ANTXR2: variants seen among roughly 807,000 people sequenced by gnomAD.
The protein encoded by ANTXR2 is anthrax toxin receptor 2.
Under a neutral mutation model 73.7 loss-of-function variants are expected in ANTXR2, and 44 were observed. The ratio of observed to expected loss-of-function variants is 0.60; its 90% confidence interval spans 0.47 to 0.77. ANTXR2 has a LOEUF of 0.77. Among genes scored for constraint, ANTXR2 ranks in the 30% least tolerant of loss-of-function variants. The pLI is 0.00. For synonymous variants in ANTXR2, 217 were observed against 205.9 expected (o/e 1.05, Z -0.46); for missense variants, 604 against 592.5 (o/e 1.02, Z -0.20).
chr4:79,975,873 C>G (rs1729602805), intron 16 of ANTXR2, among the ~76,000 whole-genome samples: 1 of 150,414 alleles, frequency 6.6e-6, no homozygotes, highest in South Asian at 2.1e-4. Flanking sequence ...AAATGATGAT[C>G]TGTTGGGGAA....
At chr4:79,981,841 T>C (rs936912505) in intron 14 of ANTXR2, among the ~76,000 whole-genome samples, 1 of 152,178 alleles carries the variant, frequency 6.6e-6, no homozygotes, top group East Asian at 1.9e-4. Context: ...CCCAGATTTA[T>C]TACAAGTTGG....
intron 12 of ANTXR2, among the ~76,000 whole-genome samples, chr4:79,997,452 C>T (rs913578972): frequency 5.3e-5 from 8 of 151,856 alleles, no homozygotes; most frequent in Non-Finnish European, 1.2e-4. Flanking sequence ...TCCTTTCATT[C>T]TCCCTTTTCT....
intron 16 of ANTXR2, chr4:79,964,966 G>A (rs535891094): frequency 6.6e-6 from 1 of 152,388 alleles, no homozygotes; most frequent in South Asian, 2.1e-4. Context: ...GAGCGCGAGA[G>A]AGGGCCCGAG....
In ANTXR2 at chr4:79,902,666, A is replaced by C. The variant is rs1392855089; in HGVS notation, c.*4763T>G. 6.6e-6 allele frequency: 1 copy of C among 152,138 alleles called. No individual in the cohort carries two copies. Among genetic ancestry groups the C allele is most frequent in the Non-Finnish European group, 1.5e-5 (1 of 68,006 alleles). The allele number at this position is 152,138 out of a possible 1,614,324, so 9.4% of individuals were successfully genotyped here. A position where few individuals can be genotyped will look rare whatever the true frequency, so the allele number is the denominator to read the frequency against. On this transcript the variant is annotated 3_prime_UTR_variant, in exon 17 of 17. Coordinates refer to ENST00000403729, the MANE Select transcript of ANTXR2 (RefSeq NM_058172.6). ...AGTTTCCTCTTTGACAAATTTAATT[A>C]TAAGAAATTAACTAAGAAATTATTA...
chr4:80,055,449 T>C lies in ANTXR2; in HGVS notation c.397A>G (p.Lys133Glu). The C allele has an allele frequency of 3.1e-6, 5 of 1,610,264 alleles. No homozygotes were observed. Among genetic ancestry groups the C allele is most frequent in the Non-Finnish European group, 4.2e-6 (5 of 1,177,848 alleles). The change falls in exon 5 of 17, where the codon AAA (lysine) becomes GAA (glutamate). Residue 133 changes from lysine (K) to glutamate (E), a missense_variant. Physicochemically the swap from Lys to Glu is moderately conservative, Grantham distance 56 (BLOSUM62 1). Transcript: ENST00000403729. Reference protein sequence around the residue: ...GLKLANEQIQKAGGLKTSSII... With the variant: ...GLKLANEQIQEAGGLKTSSII... ...CTGGAGGTTTTCAAGCCTCCTGCTT[T>C]CTGAATTTGTTCATTCGCCTGAAAA...
At chr4:80,034,187 T>G (rs996848112) in intron 8 of ANTXR2, among the ~76,000 whole-genome samples, 2 of 152,078 alleles carry the variant, frequency 1.3e-5, no homozygotes, top group Non-Finnish European at 2.9e-5. Context: ...ATTTAACTTA[T>G]TGTACCATTA....
rs188488223 is a variant in ANTXR2 at position 79,976,937 on chromosome 4, G to T, written c.1428+684C>A. On this transcript the variant is annotated intron_variant, in intron 16 of 16. Transcript: ENST00000403729. ...CCTATCCATTGTTACATATGAAAAG[G>T]TTTTAATCAATTTTTCTTACATCAA... Among the ~76,000 whole-genome samples the T allele has an allele frequency of 2.1e-4, 32 of 152,274 alleles. No homozygotes were observed. The East Asian group carries it at 5.8e-3, about 28-fold the overall frequency.
chr4:79,996,754 TATATC>T (rs1161637553), intron 12 of ANTXR2, among the ~76,000 whole-genome samples: 2 of 152,014 alleles, frequency 1.3e-5, no homozygotes, highest in East Asian at 3.9e-4. Flanking sequence ...ATTCCATTCT[TATATC>T]AAATAGTGCA....
chr4:80,039,645 T>G (rs1051726823), intron 7 of ANTXR2, among the ~76,000 whole-genome samples: 1 of 151,954 alleles, frequency 6.6e-6, no homozygotes, highest in Admixed American at 6.6e-5. Flanking sequence ...CAAATGCTGG[T>G]GAGGTTGTGG....
intron 3 of ANTXR2, among the ~76,000 whole-genome samples, chr4:80,066,048 T>C (rs1418484517): frequency 6.6e-6 from 1 of 152,188 alleles, no homozygotes; most frequent in Non-Finnish European, 1.5e-5. Flanking sequence ...TTCTTCACAC[T>C]TAAAAGTGTG....
chr4:79,982,882 A>G (rs1236125688), intron 14 of ANTXR2, among the ~76,000 whole-genome samples: 1 of 152,158 alleles, frequency 6.6e-6, no homozygotes, highest in African/African-American at 2.4e-5. Context: ...AACCATGTTC[A>G]GTATGTCTGG....
At chr4:80,041,680 C>T (rs1045854081) in intron 7 of ANTXR2, among the ~76,000 whole-genome samples, 16 of 152,052 alleles carry the variant, frequency 1.1e-4, no homozygotes, top group African/African-American at 3.9e-4. Flanking sequence ...CATGTGACCT[C>T]ACAATTCAGC....
chr4:80,069,991 G>A (rs1734708489), intron 2 of ANTXR2, among the ~76,000 whole-genome samples: 1 of 152,178 alleles, frequency 6.6e-6, no homozygotes, highest in African/African-American at 2.4e-5. Context: ...TGGAAAATGT[G>A]AAAGAAACAA....
chr4:79,948,514 A>G (rs1728592913), intron 16 of ANTXR2, among the ~76,000 whole-genome samples: 1 of 152,216 alleles, frequency 6.6e-6, no homozygotes, highest in Non-Finnish European at 1.5e-5. Context: ...AAAATAAACC[A>G]TAACAGATGC....
intron 4 of ANTXR2, among the ~76,000 whole-genome samples, 170 bp from the exon 5 acceptor site, chr4:80,055,637 T>C (rs998379470): frequency 6.6e-6 from 1 of 151,952 alleles, no homozygotes. Flanking sequence ...ATATTCACAT[T>C]ACAGAGTAGT....
At chr4:80,004,740 C>G (rs141496661) in intron 12 of ANTXR2, among the ~76,000 whole-genome samples, 1 of 152,192 alleles carries the variant, frequency 6.6e-6, no homozygotes, top group East Asian at 1.9e-4. Flanking sequence ...TTTGCTATAT[C>G]AGGTAACATT....
intron 16 of ANTXR2, among the ~76,000 whole-genome samples, chr4:79,944,571 TA>T (rs1341166778): frequency 6.6e-6 from 1 of 151,668 alleles, no homozygotes; most frequent in African/African-American, 2.4e-5. Context: ...AAATAAAAGG[TA>T]TTTTTTTCAG....
At chr4:80,036,619 A>G (rs1578175209) in intron 7 of ANTXR2, among the ~76,000 whole-genome samples, 1 of 151,792 alleles carries the variant, frequency 6.6e-6, no homozygotes, top group Non-Finnish European at 1.5e-5. Flanking sequence ...TGGCCAACAT[A>G]GTGAATCCTG....
chr4:79,950,758 T>C (rs1355198998), intron 16 of ANTXR2, among the ~76,000 whole-genome samples: 1 of 152,186 alleles, frequency 6.6e-6, no homozygotes, highest in Non-Finnish European at 1.5e-5. Flanking sequence ...GCCTCTTCAG[T>C]GTGCATGTCC....
Sources: gnomAD v4.1 joint callset for allele counts (sites outside exome capture counted in the v4.1 genomes callset) on GRCh38, gnomAD v4.1.1 for gene constraint, MANE v1.5 for transcripts, NCBI Gene and HGNC (gene_info 2026-07-23, HGNC 2026-07-21) for gene names.